The following BBOX1 variants were observed in gnomAD, a reference collection of about 807,000 sequenced individuals.
The protein encoded by BBOX1 is gamma-butyrobetaine hydroxylase 1.
BBOX1 carries 35 observed loss-of-function variants against 41.6 expected under a neutral mutation model. The ratio of observed to expected loss-of-function variants is 0.84; its 90% CI spans 0.64 to 1.11. BBOX1 has a LOEUF of 1.11. BBOX1 is among the 50% of genes most tolerant of loss of function. BBOX1 has a pLI of 0.00. For synonymous variants in BBOX1, 163 were observed against 154.7 expected (o/e 1.05, Z -0.40); for missense variants, 458 against 460.6 (o/e 0.99, Z 0.05).
intron 2 of BBOX1, among the ~76,000 whole-genome samples, chr11:27,054,548 G>A (rs1228493073): frequency 2.0e-5 from 3 of 152,094 alleles, no homozygotes; most frequent in Non-Finnish European, 4.4e-5. Context: ...ATACCACGGT[G>A]TCTCTGTTTC....
chr11:27,125,689 T>A lies in BBOX1; in HGVS notation c.872T>A (p.Phe291Tyr). ...AAAGGCCAAGTGGTTCGCATCAACTTCAATAACGCAACTAGGGACACAATA... is the reference window on the plus strand; with the variant it reads ...AAAGGCCAAGTGGTTCGCATCAACTACAATAACGCAACTAGGGACACAATA... ...DDKGQVVRIN[F>Y]NNATRDTIFD... The change falls in exon 8 of 9, where the codon TTC becomes TAC. Residue 291 changes from phenylalanine (F) to tyrosine (Y), a missense_variant. By Grantham distance (22) the Phe-to-Tyr change is conservative. Transcript: ENST00000263182. 1 of 1,598,930 alleles carries A rather than the reference T, an allele frequency of 6.3e-7. No individual in the cohort carries two copies. The highest frequency in any genetic ancestry group is 8.5e-7 in the Non-Finnish European group (1 of 1,171,932).
chr11:27,105,320 A>G (rs1858823797), intron 5 of BBOX1, among the ~76,000 whole-genome samples: 1 of 152,192 alleles, frequency 6.6e-6, no homozygotes, highest in Admixed American at 6.5e-5. Context: ...GTTCGAACCC[A>G]TCGCAAAGAA....
intron 3 of BBOX1, among the ~76,000 whole-genome samples, chr11:27,056,579 C>A (rs1399573325): frequency 6.6e-6 from 1 of 151,940 alleles, no homozygotes; most frequent in African/African-American, 2.4e-5. Context: ...TTCTAATACT[C>A]TTGGCAGGAA....
chr11:27,052,419 G>A (rs919198567), intron 2 of BBOX1, among the ~76,000 whole-genome samples: 4 of 151,808 alleles, frequency 2.6e-5, no homozygotes, highest in African/African-American at 4.8e-5. Flanking sequence ...TCTGCTACCT[G>A]AAAAAAATAT....
chr11:27,089,140 A>G (rs961514616), intron 4 of BBOX1, among the ~76,000 whole-genome samples: 1 of 151,944 alleles, frequency 6.6e-6, no homozygotes, highest in Non-Finnish European at 1.5e-5. Flanking sequence ...TTCTTCATGC[A>G]TGACCTATCT....
intron 4 of BBOX1, among the ~76,000 whole-genome samples, chr11:27,062,284 A>G (rs1436801547): frequency 6.6e-6 from 1 of 152,248 alleles, no homozygotes; most frequent in Non-Finnish European, 1.5e-5. Flanking sequence ...GGGCCAAACC[A>G]TGAAGTGGCT....
chr11:27,057,152 G>A, intron 3 of BBOX1, 49 bp from the exon 4 acceptor site: 4 of 1,277,350 alleles, frequency 3.1e-6, no homozygotes, highest in Non-Finnish European at 4.3e-6. Flanking sequence ...CAATAGTGGA[G>A]AACGGAAATA....
In BBOX1 at chr11:27,041,445, A is replaced by G. The variant is rs1385379292; in HGVS notation, c.-72A>G. 1 of 152,148 alleles carries G rather than the reference A, an allele frequency of 6.6e-6. No individual in the cohort carries two copies. Among genetic ancestry groups the G allele is most frequent in the Non-Finnish European group, 1.5e-5 (1 of 68,042 alleles). The allele number at this position is 152,148 out of a possible 1,614,324, so 9.4% of individuals were successfully genotyped here. A position where few individuals can be genotyped will look rare whatever the true frequency, so the allele number is the denominator to read the frequency against. On this transcript the variant is annotated 5_prime_UTR_variant, in exon 2 of 9. Transcript: ENST00000263182. The stretch of plus-strand genomic sequence containing the variant: ...CACCAGAATGCTCCCTCTCCAAAGG[A>G]TCTAAGGACCAAAGCTGACAGTTTC...
chr11:27,114,089 G>C (rs1009772286), intron 5 of BBOX1, among the ~76,000 whole-genome samples: 6 of 151,774 alleles, frequency 4.0e-5, no homozygotes, highest in African/African-American at 1.4e-4. Flanking sequence ...ACAAAAATTG[G>C]TTGTCTTTAT....
chr11:27,108,652 C>A (rs771914608), intron 5 of BBOX1, among the ~76,000 whole-genome samples: 5 of 151,998 alleles, frequency 3.3e-5, no homozygotes, highest in Non-Finnish European at 7.4e-5. Flanking sequence ...GACTATAATA[C>A]TCCATCTTTT....
intron 8 of BBOX1, 105 bp downstream of exon 8, chr11:27,125,925 A>C (rs146754333): frequency 5.9e-6 from 7 of 1,196,250 alleles, no homozygotes; most frequent in Non-Finnish European, 8.1e-6. Flanking sequence ...GGCATGTAGA[A>C]CACCAACAAC....
At chr11:27,067,280 A>G (rs1229580278) in intron 4 of BBOX1, among the ~76,000 whole-genome samples, 1 of 152,214 alleles carries the variant, frequency 6.6e-6, no homozygotes, top group Non-Finnish European at 1.5e-5. Flanking sequence ...ACATAAATGA[A>G]TAGCACAGTG....
chr11:27,068,996 A>G (rs2133988186), intron 4 of BBOX1, among the ~76,000 whole-genome samples: 1 of 152,164 alleles, frequency 6.6e-6, no homozygotes, highest in African/African-American at 2.4e-5. Flanking sequence ...ATTTGAAATC[A>G]GTTCAGATGA....
chr11:27,081,778 G>A (rs746388765), intron 4 of BBOX1, among the ~76,000 whole-genome samples: 2 of 152,104 alleles, frequency 1.3e-5, no homozygotes, highest in Non-Finnish European at 2.9e-5. Flanking sequence ...TTTCATTGTG[G>A]TTTTGATTTG....
intron 3 of BBOX1, among the ~76,000 whole-genome samples, chr11:27,056,624 A>T (rs1442934): frequency 0.19 from 28,349 of 152,060 alleles, 2,791 homozygotes; most frequent in Middle Eastern, 0.25. Context: ...TATCACAGAA[A>T]GTTTGGGGAT....
chr11:27,097,007 A>C (rs187726127), intron 5 of BBOX1, among the ~76,000 whole-genome samples: 51 of 152,120 alleles, frequency 3.4e-4, no homozygotes, highest in African/African-American at 1.2e-3. Context: ...ACCATGTGAA[A>C]TGCTCAGTAA....
At chr11:27,045,688 G>A (rs1590160151) in intron 2 of BBOX1, among the ~76,000 whole-genome samples, 1 of 152,152 alleles carries the variant, frequency 6.6e-6, no homozygotes, top group East Asian at 1.9e-4. Context: ...AGAAAGAGAT[G>A]AAAATTAACA....
intron 4 of BBOX1, among the ~76,000 whole-genome samples, chr11:27,090,404 G>A (rs796938395): frequency 1.3e-5 from 2 of 151,898 alleles, no homozygotes; most frequent in African/African-American, 2.4e-5. Context: ...AAAAAGGGTG[G>A]GGGTGTAAGA....
At chr11:27,066,604 A>T (rs1857288749) in intron 4 of BBOX1, 1 of 145,710 alleles carries the variant, frequency 6.9e-6, no homozygotes, top group East Asian at 2.1e-4. Flanking sequence ...TTTAGATTTT[A>T]GAACCAAACT....
Sources: allele counts gnomAD v4.1 joint callset (sites outside exome capture counted in the v4.1 genomes callset), GRCh38; gene constraint gnomAD v4.1.1; transcripts MANE v1.5; gene names NCBI Gene and HGNC (gene_info 2026-07-23, HGNC 2026-07-21).